The following BCL2L14 variants were observed in gnomAD, a reference collection of about 807,000 sequenced individuals.
BCL2L14 encodes BCL2 like 14, also known as apoptosis facilitator Bcl-2-like protein 14.
BCL2L14 carries 27 observed loss-of-function variants against 35.3 expected under a neutral mutation model. The ratio of observed to expected loss-of-function variants is 0.76; its 90% CI spans 0.56 to 1.05. The LOEUF (loss-of-function observed/expected upper bound fraction) is 1.05. BCL2L14 is among the 50% of genes least tolerant of loss of function. The probability of loss-of-function intolerance (pLI) is 0.00; values close to 1 mark genes in which losing one functional copy is unlikely to be tolerated. For synonymous variants in BCL2L14, 139 were observed against 145.9 expected, an observed-to-expected ratio of 0.95 and a Z score of 0.34; for missense variants, 377 against 382.6, an observed-to-expected ratio of 0.99 and a Z score of 0.12.
At chr12:12,090,679 C>T in intron 3 of BCL2L14, 100 bp from the exon 4 acceptor site, 1 of 821,068 alleles carries the variant, frequency 1.2e-6, no homozygotes, top group East Asian at 2.8e-5. Flanking sequence ...ATGCCTCTTC[C>T]TCCAGCCCTT....
chr12:12,056,609 G>A (rs1370265626), intron 2 of BCL2L14, among the ~76,000 whole-genome samples: 4 of 152,170 alleles, frequency 2.6e-5, no homozygotes, highest in Non-Finnish European at 5.9e-5. Flanking sequence ...CAAGGTGGGC[G>A]GATCAACTGA....
chr12:12,056,173 C>G lies in BCL2L14; in HGVS notation c.-272+4326C>G, dbSNP rs547615989. Among the ~76,000 whole-genome samples, 17 of 151,020 alleles carry G rather than the reference C, an allele frequency of 1.1e-4. 1 individual carries two copies. Among genetic ancestry groups the G allele is most frequent in the African/African-American group, 3.9e-4 (16 of 41,280 alleles). ...CCTCTGCTGCATTCAGAGTTGAGCC[C>G]AGTTTCTCTCCCTGACCACAAGACC... On this transcript the variant is annotated intron_variant, in intron 2 of 3. Transcript: ENST00000461264.
chr12:12,094,069 T>G (rs1376406904), intron 4 of BCL2L14, among the ~76,000 whole-genome samples: 1 of 149,712 alleles, frequency 6.7e-6, no homozygotes, highest in Non-Finnish European at 1.5e-5. Context: ...ACCACACCAC[T>G]GCACTCCAGC....
At chr12:12,093,856 C>T (rs1392547176) in intron 4 of BCL2L14, among the ~76,000 whole-genome samples, 1 of 150,598 alleles carries the variant, frequency 6.6e-6, no homozygotes, top group Non-Finnish European at 1.5e-5. Flanking sequence ...GGACTCATGC[C>T]TGTAATCCCA....
At chr12:12,057,361 T>C (rs2136709688) in intron 2 of BCL2L14, among the ~76,000 whole-genome samples, 2 of 152,346 alleles carry the variant, frequency 1.3e-5, no homozygotes. Context: ...CCAAAGGCTC[T>C]AACATTCCAT....
At chr12:12,092,784 G>A (rs1418099202) in intron 4 of BCL2L14, among the ~76,000 whole-genome samples, 1 of 152,170 alleles carries the variant, frequency 6.6e-6, no homozygotes, top group African/African-American at 2.4e-5. Flanking sequence ...GACGGGGCCT[G>A]GACGGTGGGG....
intron 4 of BCL2L14, 97 bp downstream of exon 4, chr12:12,090,946 C>A (rs1023894446): frequency 2.3e-6 from 2 of 861,402 alleles, no homozygotes; most frequent in Non-Finnish European, 3.4e-6. Flanking sequence ...TATTCCCTTT[C>A]TAAGTCCTGG....
rs574456039 is a variant in BCL2L14 at position 12,097,094 on chromosome 12, A to G, written c.946-1856A>G. Among the ~76,000 whole-genome samples the G allele has an allele frequency of 1.2e-4, 19 of 152,294 alleles. No individual in the cohort carries two copies. The East Asian group carries it at 2.9e-3, about 23-fold the overall frequency. On this transcript the variant is annotated intron_variant, in intron 5 of 5. Coordinates refer to ENST00000308721, the MANE Select transcript of BCL2L14 (RefSeq NM_138723.2). ...TGGGAGGCGGAGCTTGCAGTGAGCC[A>G]AGATCGCGCCACTGCACTCCAGCCT...
chr12:12,057,040 A>G (rs996526752), intron 2 of BCL2L14, among the ~76,000 whole-genome samples: 1 of 152,220 alleles, frequency 6.6e-6, no homozygotes, highest in African/African-American at 2.4e-5. Flanking sequence ...CAAATATTTT[A>G]TTTAACTAAT....
rs1190837770 is a variant in BCL2L14 at position 12,087,769 on chromosome 12, A to G, written c.607+383A>G. On this transcript the variant is annotated intron_variant, in intron 3 of 5. Coordinates refer to ENST00000308721, the MANE Select transcript of BCL2L14 (RefSeq NM_138723.2). ...GAGCGTCAAGCCAGGGATTTATATT[A>G]TAACATTGCTTTAGGGCTTTGTGAA... Among the ~76,000 whole-genome samples, 5 of 152,194 alleles carry G rather than the reference A, an allele frequency of 3.3e-5. No individual in the cohort carries two copies. In the East Asian group the frequency reaches 9.6e-4, roughly 29 times the overall value.
chr12:12,051,021 G>GT (rs1415545030), intron 1 of BCL2L14, among the ~76,000 whole-genome samples: 1 of 149,284 alleles, frequency 6.7e-6, no homozygotes, highest in African/African-American at 2.5e-5. Flanking sequence ...AAACTGAAAG[G>GT]TTTTAGAATT....
chr12:12,096,420 C>A, intron 5 of BCL2L14, among the ~76,000 whole-genome samples: 1 of 139,764 alleles, frequency 7.2e-6, no homozygotes. Context: ...AAGAACACCA[C>A]CACCAAGAAT....
intron 2 of BCL2L14, among the ~76,000 whole-genome samples, chr12:12,080,405 G>C (rs1393349583): frequency 1.3e-5 from 2 of 151,824 alleles, no homozygotes; most frequent in Non-Finnish European, 2.9e-5. Context: ...CAGATCATAA[G>C]GTCAGGAGTT....
rs549219277 is a variant in BCL2L14 at position 12,096,386 on chromosome 12, C to T, written c.945+1456C>T. On this transcript the variant is annotated intron_variant, in intron 5 of 5. Transcript: ENST00000308721. ...CAAGCAACAAAAGAAAGAATAGATA[C>T]ATTGGATTTTGTTTTGTGCTTCCAA... 4.5e-4 allele frequency among the ~76,000 whole-genome samples: 63 copies of T among 140,366 alleles called. 2 individuals carry two copies. Among genetic ancestry groups the T allele is most frequent in the Admixed American group, 2.6e-3 (36 of 13,788 alleles). The allele number at this position is 140,366 out of a possible 152,430, so 92.1% of individuals were successfully genotyped here.
intron 4 of BCL2L14, 25 bp downstream of exon 4, chr12:12,090,874 G>C: frequency 6.3e-7 from 1 of 1,577,640 alleles, no homozygotes; most frequent in Non-Finnish European, 8.7e-7. Context: ...GAACTGATGC[G>C]ATTGATTTCT....
intron 2 of BCL2L14, among the ~76,000 whole-genome samples, chr12:12,082,880 C>T (rs941097627): frequency 6.6e-6 from 1 of 152,156 alleles, no homozygotes; most frequent in African/African-American, 2.4e-5. Flanking sequence ...TGAGCGTGAT[C>T]CAAGAGAGCC....
intron 1 of BCL2L14, among the ~76,000 whole-genome samples, chr12:12,078,531 A>G (rs1309722552): frequency 6.6e-6 from 1 of 152,128 alleles, no homozygotes; most frequent in Admixed American, 6.6e-5. Flanking sequence ...TCCCTCCACT[A>G]TTTTCAAGCC....
At chr12:12,065,028 A>G (rs543622847) in intron 2 of BCL2L14, among the ~76,000 whole-genome samples, 3 of 152,354 alleles carry the variant, frequency 2.0e-5, no homozygotes, top group African/African-American at 7.2e-5. Context: ...AGGGGAGAAG[A>G]AAATTTATTT....
upstream of BCL2L14, among the ~76,000 whole-genome samples, chr12:12,069,578 G>T (rs1948636135): frequency 6.6e-6 from 1 of 151,760 alleles, no homozygotes; most frequent in Non-Finnish European, 1.5e-5. Flanking sequence ...CTTGGTGGCG[G>T]GCGCCTGTAG....
Sources: gnomAD v4.1 joint callset for allele counts (sites outside exome capture counted in the v4.1 genomes callset) on GRCh38, gnomAD v4.1.1 for gene constraint, MANE v1.5 for transcripts, NCBI Gene and HGNC (gene_info 2026-07-23, HGNC 2026-07-21) for gene names.